CNTN5: variants seen among roughly 807,000 people sequenced by gnomAD.
CNTN5 encodes the protein contactin 5.
A neutral mutation model predicts 129.1 loss-of-function variants in CNTN5; 77 were observed. The ratio of observed to expected loss-of-function variants is 0.60; its 90% CI spans 0.50 to 0.72. The LOEUF (loss-of-function observed/expected upper bound fraction) is 0.72. CNTN5 is among the 30% of genes least tolerant of loss of function. The pLI, the probability that CNTN5 is intolerant of heterozygous loss-of-function variation, is 0.00. For synonymous variants in CNTN5, 509 were observed against 465.6 expected, an observed-to-expected ratio of 1.09 and a Z score of -1.20; for missense variants, 1,478 against 1,328.8, an observed-to-expected ratio of 1.11 and a Z score of -1.75.
intron 13 of CNTN5, among the ~76,000 whole-genome samples, chr11:100,172,078 T>TA (rs989674077): frequency 2.6e-5 from 4 of 151,958 alleles, no homozygotes; most frequent in African/African-American, 9.7e-5. Flanking sequence ...GCAGTGGAAA[T>TA]AAAGACAGTA....
intron 13 of CNTN5, among the ~76,000 whole-genome samples, chr11:100,095,949 C>A (rs950468066): frequency 3.9e-5 from 6 of 152,030 alleles, no homozygotes; most frequent in African/African-American, 1.4e-4. Flanking sequence ...CTACTTCCCA[C>A]TCAACAGCAA....
intron 3 of CNTN5, among the ~76,000 whole-genome samples, chr11:99,673,433 A>G (rs932229619): frequency 2.6e-5 from 4 of 152,138 alleles, no homozygotes; most frequent in African/African-American, 7.2e-5. Context: ...TGTCTGATAT[A>G]TGGGCATTTC....
rs371233283 is a variant in CNTN5, at chr11:99,848,268, T to C, written c.577+3006T>C. ...GCAACTTTCCTTTACATTGAGATTT[T>C]CTGAAGACCAGGCTTGTAGGTCAAT... is the stretch of plus-strand genomic sequence containing the variant. On this transcript the variant is annotated intron_variant, in intron 6 of 24. Coordinates refer to ENST00000524871, the MANE Select transcript of CNTN5 (RefSeq NM_014361.4). 3.9e-5 allele frequency among the ~76,000 whole-genome samples: 6 copies of C among 152,104 alleles called. No individual in the cohort carries two copies. In the East Asian group the frequency reaches 1.2e-3, roughly 29 times the overall value.
chr11:99,023,453 G>C (rs1424544663), intron 1 of CNTN5, among the ~76,000 whole-genome samples: 1 of 152,142 alleles, frequency 6.6e-6, no homozygotes, highest in Non-Finnish European at 1.5e-5. Context: ...TGCCAGTAAA[G>C]GGCAAAGGGC....
At chr11:99,402,054 C>G (rs756247652) in intron 2 of CNTN5, among the ~76,000 whole-genome samples, 3 of 152,054 alleles carry the variant, frequency 2.0e-5, no homozygotes, top group Non-Finnish European at 4.4e-5. Flanking sequence ...TTTGGACGCA[C>G]TTTATATATT....
At chr11:99,709,490 A>C (rs184503298) in intron 3 of CNTN5, among the ~76,000 whole-genome samples, 1 of 151,776 alleles carries the variant, frequency 6.6e-6, no homozygotes, top group Non-Finnish European at 1.5e-5. Flanking sequence ...GTGCACATGC[A>C]CGTAATTACA....
At chr11:99,308,731 C>T (rs144538100) in intron 1 of CNTN5, among the ~76,000 whole-genome samples, 1,881 of 152,150 alleles carry the variant, frequency 0.012, 30 homozygotes, top group Non-Finnish European at 0.018. Flanking sequence ...AATAATGTCC[C>T]AGTCAATATC....
intron 21 of CNTN5, chr11:100,337,485 C>G: frequency 2.7e-6 from 2 of 743,770 alleles, no homozygotes; most frequent in East Asian, 5.2e-5. Flanking sequence ...ACCTGAGGGA[C>G]TGAACTTTCA....
At chr11:99,208,426 A>G (rs1220112182) in intron 1 of CNTN5, among the ~76,000 whole-genome samples, 1 of 152,140 alleles carries the variant, frequency 6.6e-6, no homozygotes, top group Non-Finnish European at 1.5e-5. Flanking sequence ...AAGTTAAATT[A>G]ATACCCTAAG....
At chr11:99,512,018 G>T (rs892068773) in intron 2 of CNTN5, among the ~76,000 whole-genome samples, 1 of 152,022 alleles carries the variant, frequency 6.6e-6, no homozygotes, top group South Asian at 2.1e-4. Context: ...GATACAAAAA[G>T]ATTTTAAATA....
chr11:99,219,605 C>A (rs558348619), intron 1 of CNTN5, among the ~76,000 whole-genome samples: 1 of 151,102 alleles, frequency 6.6e-6, no homozygotes, highest in South Asian at 2.1e-4. Context: ...GAGCCACATA[C>A]ATCTTTCAGC....
intron 9 of CNTN5, among the ~76,000 whole-genome samples, chr11:100,031,947 C>T (rs547190388): frequency 3.0e-4 from 46 of 152,238 alleles, no homozygotes; most frequent in African/African-American, 1.0e-3. Context: ...GTGGTGACCC[C>T]CCTGGACCCA....
At chr11:100,280,743 G>C (rs1217994485) in intron 18 of CNTN5, among the ~76,000 whole-genome samples, 1 of 151,976 alleles carries the variant, frequency 6.6e-6, no homozygotes, top group Non-Finnish European at 1.5e-5. Context: ...TGGTTGTTTT[G>C]TGGTCTATTC....
intron 7 of CNTN5, among the ~76,000 whole-genome samples, chr11:99,945,502 G>GTC (rs1333096157): frequency 6.6e-6 from 1 of 151,564 alleles, no homozygotes; most frequent in Non-Finnish European, 1.5e-5. Context: ...GTGTGTGTGT[G>GTC]TGTGTGTGTG....
At chr11:100,098,972 C>T (rs1230999033) in intron 13 of CNTN5, among the ~76,000 whole-genome samples, 10 of 151,992 alleles carry the variant, frequency 6.6e-5, no homozygotes, top group Admixed American at 6.6e-4. Flanking sequence ...CTGTATTCTA[C>T]TGGTCAAAGT....
chr11:99,575,872 G>T (rs1949331396), intron 3 of CNTN5, among the ~76,000 whole-genome samples: 2 of 152,146 alleles, frequency 1.3e-5, no homozygotes, highest in Non-Finnish European at 2.9e-5. Flanking sequence ...TTAGAGAGTA[G>T]ATTTCTGTGT....
intron 1 of CNTN5, among the ~76,000 whole-genome samples, chr11:99,199,482 C>T (rs374751239): frequency 1.5e-4 from 23 of 152,180 alleles, no homozygotes; most frequent in South Asian, 4.2e-4. Flanking sequence ...AACAACAACC[C>T]GACATTCTCA....
At position 99,639,787 on chromosome 11, in the gene CNTN5, C is replaced by T. The variant is rs577675295; in HGVS notation, c.55+83518C>T. Among the ~76,000 whole-genome samples the T allele has an allele frequency of 2.0e-4, 31 of 152,176 alleles. No individual in the cohort carries two copies. In the South Asian group the frequency reaches 5.2e-3, roughly 25 times the overall value. ...CCATGTTGGTCAGGCTGGTCTGAAA[C>T]ACCAGACCTCAGGTGATCCACCCAC... On this transcript the variant is annotated intron_variant, in intron 3 of 24. Coordinates refer to ENST00000524871, the MANE Select transcript of CNTN5 (RefSeq NM_014361.4).
intron 2 of CNTN5, among the ~76,000 whole-genome samples, chr11:99,508,078 A>G (rs957089398): frequency 6.6e-6 from 1 of 152,240 alleles, no homozygotes; most frequent in Admixed American, 6.5e-5. Flanking sequence ...TGTCCAAAAC[A>G]TGTCTTCAGT....
Sources: gnomAD v4.1 joint callset for allele counts (sites outside exome capture counted in the v4.1 genomes callset) on GRCh38, gnomAD v4.1.1 for gene constraint, MANE v1.5 for transcripts, NCBI Gene and HGNC (gene_info 2026-07-23, HGNC 2026-07-21) for gene names.